SATB2: variants seen among roughly 807,000 people sequenced by gnomAD.
The protein encoded by SATB2 is SATB homeobox 2, also known as DNA-binding protein SATB2.
A neutral mutation model predicts 73.4 loss-of-function variants in SATB2; 1 was observed. That is an observed-to-expected ratio of 0.01 (90% confidence interval 0.00 to 0.06). The LOEUF (loss-of-function observed/expected upper bound fraction) is 0.06. SATB2 is among the 10% of genes least tolerant of loss of function. The probability of loss-of-function intolerance (pLI) is 1.00; values close to 1 mark genes in which losing one functional copy is unlikely to be tolerated. For missense variants in SATB2, 459 were observed against 945.8 expected (o/e 0.49, Z 6.75); for synonymous variants, 397 against 367.0 (o/e 1.08, Z -0.93).
At chr2:199,403,550 T>C (rs1690544470) in intron 3 of SATB2, among the ~76,000 whole-genome samples, 1 of 152,208 alleles carries the variant, frequency 6.6e-6, no homozygotes, top group Admixed American at 6.5e-5. Flanking sequence ...TTGTATTTTT[T>C]ATATTTCCTA....
chr2:199,284,247 A>G (rs1692618727), intron 10 of SATB2, among the ~76,000 whole-genome samples: 1 of 152,224 alleles, frequency 6.6e-6, no homozygotes, highest in Non-Finnish European at 1.5e-5. Flanking sequence ...AAAATGTGCC[A>G]ACATTTGTAA....
chr2:199,456,054 GACAAAGTTCCC>G lies in SATB2; in HGVS notation c.-28_-18del. On this transcript the variant is annotated 5_prime_UTR_variant, in exon 2 of 11. Transcript: ENST00000417098. Reference sequence around the variant, plus strand: ...CCGCTCCATGCTGCTCCGACTCGGAGACAAAGTTCCCACCGGCAGGTCGCAATAAAACGCAC... The same window carrying G: ...CCGCTCCATGCTGCTCCGACTCGGAGACCGGCAGGTCGCAATAAAACGCAC... 7.8e-7 allele frequency: 1 copy of G among 1,286,244 alleles called. No individual in the cohort carries two copies. The highest frequency in any genetic ancestry group is 1.0e-6 in the Non-Finnish European group (1 of 992,746). 79.7% of individuals were successfully genotyped at this position (1,286,244 alleles called of 1,614,324 possible).
chr2:199,284,898 G>T (rs1692639755), intron 10 of SATB2, among the ~76,000 whole-genome samples: 2 of 152,084 alleles, frequency 1.3e-5, no homozygotes, highest in South Asian at 4.1e-4. Context: ...ACTGTATGAG[G>T]TATCATAAGT....
At chr2:199,275,687 A>T (rs1692292598) in intron 10 of SATB2, among the ~76,000 whole-genome samples, 1 of 152,176 alleles carries the variant, frequency 6.6e-6, no homozygotes, top group South Asian at 2.1e-4. Context: ...ATTATCTACA[A>T]AGTGAAATAT....
chr2:199,458,646 A>G, upstream of SATB2: 1 of 439,346 alleles, frequency 2.3e-6, no homozygotes, highest in African/African-American at 2.1e-5. Flanking sequence ...CTGCCGGCGG[A>G]GACGCAGACC....
chr2:199,400,214 C>T (rs1263069643), intron 3 of SATB2, among the ~76,000 whole-genome samples: 2 of 152,162 alleles, frequency 1.3e-5, no homozygotes, highest in African/African-American at 4.8e-5. Context: ...ACCTCCTTTC[C>T]CCATTAAAAT....
chr2:199,381,764 G>A lies in SATB2; in HGVS notation c.403C>T (p.Pro135Ser). 1.2e-6 allele frequency: 2 copies of A among 1,614,130 alleles called. No homozygotes were observed. The highest frequency in any genetic ancestry group is 1.6e-4 in the Middle Eastern group (1 of 6,062). Reference protein sequence around the residue: ...PLPLSYVTDAPDATVADMLQD... With the variant: ...PLPLSYVTDASDATVADMLQD... The stretch of plus-strand genomic sequence containing the variant: ...AGCATGTCGGCCACTGTCGCGTCGG[G>A]TGCATCTGTCACATAACTGAGGGGG... Residue 135 changes from proline to serine, a missense_variant, in exon 4 of 11, where the codon CCC (proline) becomes TCC (serine). Physicochemically the swap from Pro to Ser is moderately conservative, Grantham distance 74. This residue lies in a region of SATB2 where 56 missense variants were observed against 183.7 expected (regional missense o/e 0.30). Transcript: ENST00000417098.
intron 7 of SATB2, among the ~76,000 whole-genome samples, chr2:199,342,926 T>C (rs1296536456): frequency 6.6e-6 from 1 of 152,218 alleles, no homozygotes; most frequent in Non-Finnish European, 1.5e-5. Context: ...TCAAATGATA[T>C]GGTGACAATG....
intron 3 of SATB2, among the ~76,000 whole-genome samples, chr2:199,395,165 T>C (rs1418344825): frequency 6.6e-6 from 1 of 152,130 alleles, no homozygotes; most frequent in Non-Finnish European, 1.5e-5. Context: ...TGGATACTGA[T>C]GACACCTTAG....
At chr2:199,459,916 G>C (rs1692434954), upstream of SATB2, 1 of 152,610 alleles carries the variant, frequency 6.6e-6, no homozygotes, top group Non-Finnish European at 1.5e-5. The surrounding 1 kb of genome is among the most constrained non-coding windows in gnomAD (Gnocchi z 4.2). Flanking sequence ...CTCTGGAAGA[G>C]AAAGGGTCCC....
intron 4 of SATB2, among the ~76,000 whole-genome samples, chr2:199,381,202 TTTG>T (rs1689763930): frequency 6.6e-6 from 1 of 152,086 alleles, no homozygotes. Flanking sequence ...TTTTTGTTTG[TTTG>T]TTTGTTTGTT....
intron 5 of SATB2, among the ~76,000 whole-genome samples, chr2:199,369,421 T>C (rs939665092): frequency 1.1e-4 from 16 of 152,178 alleles, no homozygotes; most frequent in African/African-American, 3.4e-4. Context: ...TAGCCTGACA[T>C]AGCACTGAAA....
rs777414801 is a variant in SATB2, at chr2:199,308,574, G to GCACA, written c.1740+182_1740+185dup. ...TACACACACACACACGCACGCACAT[G>GCACA]CACACACACACACATACACATACAC... On this transcript the variant is annotated intron_variant, in intron 10 of 10. Coordinates refer to ENST00000417098, the MANE Select transcript of SATB2 (RefSeq NM_001172509.2). This position sits in a 1 kb window ranked among gnomAD's most constrained non-coding sequence, Gnocchi z 4.6. Among the ~76,000 whole-genome samples the GCACA allele has an allele frequency of 2.5e-4, 38 of 150,384 alleles. No homozygotes were observed. In the East Asian group the frequency reaches 5.9e-3, roughly 23 times the overall value.
At chr2:199,458,348 TG>T, upstream of SATB2, 1 of 140,914 alleles carries the variant, frequency 7.1e-6, no homozygotes, top group Non-Finnish European at 1.3e-5. Flanking sequence ...GAGGGGCGGG[TG>T]GGAGGCAGGG....
intron 6 of SATB2, among the ~76,000 whole-genome samples, chr2:199,351,508 T>A (rs1688820129): frequency 6.6e-6 from 1 of 152,234 alleles, no homozygotes; most frequent in Non-Finnish European, 1.5e-5. Flanking sequence ...GAAAACAAAT[T>A]ATTTTACTCA....
chr2:199,402,603 T>C (rs781177418), intron 3 of SATB2, among the ~76,000 whole-genome samples: 1 of 152,226 alleles, frequency 6.6e-6, no homozygotes, highest in African/African-American at 2.4e-5. Context: ...ACTGAGATCC[T>C]TGGCATTAAA....
At chr2:199,341,908 A>G (rs745337708) in intron 7 of SATB2, among the ~76,000 whole-genome samples, 1 of 152,114 alleles carries the variant, frequency 6.6e-6, no homozygotes, top group Non-Finnish European at 1.5e-5. Context: ...AGGACAGGGA[A>G]GAGAAGAAAT....
chr2:199,332,171 T>C (rs1464183369), intron 7 of SATB2, among the ~76,000 whole-genome samples: 1 of 152,180 alleles, frequency 6.6e-6, no homozygotes, highest in Non-Finnish European at 1.5e-5. Flanking sequence ...ATTGCAAGTA[T>C]TGAGTAAAGT....
intron 6 of SATB2, among the ~76,000 whole-genome samples, chr2:199,359,840 T>A (rs2105838988): frequency 6.6e-6 from 1 of 152,328 alleles, no homozygotes; most frequent in South Asian, 2.1e-4. Flanking sequence ...ATGTTAGAAC[T>A]CATAGTCTGA....
Sources: allele counts gnomAD v4.1 joint callset (sites outside exome capture counted in the v4.1 genomes callset), GRCh38; gene constraint gnomAD v4.1.1; regional missense constraint gnomAD v4.1.1; non-coding constraint Gnocchi (gnomAD v3.1); transcripts MANE v1.5; gene names NCBI Gene and HGNC (gene_info 2026-07-23, HGNC 2026-07-21).